Variants in GCLC observed in about 807,000 individuals in gnomAD.
GCLC encodes the protein glutamate--cysteine ligase catalytic subunit.
GCLC carries 30 observed loss-of-function variants against 81.5 expected under a neutral mutation model. That is an observed-to-expected ratio of 0.37 (90% CI 0.28 to 0.50). The LOEUF (loss-of-function observed/expected upper bound fraction) is 0.50. GCLC is among the 20% of genes least tolerant of loss of function. The pLI is 0.96. For synonymous variants in GCLC, 262 were observed against 273.3 expected (o/e 0.96, Z 0.41); for missense variants, 556 against 777.4 (o/e 0.72, Z 3.39).
chr6:53,542,452 C>T (rs1346752925), intron 1 of GCLC, among the ~76,000 whole-genome samples: 1 of 152,040 alleles, frequency 6.6e-6, no homozygotes, highest in Admixed American at 6.6e-5. Context: ...ACAAAAGTTA[C>T]TTAAAATAGG....
intron 1 of GCLC, among the ~76,000 whole-genome samples, chr6:53,528,029 T>C (rs1328556316): frequency 2.0e-5 from 3 of 152,150 alleles, no homozygotes; most frequent in South Asian, 2.1e-4. Context: ...CACAGCAAAA[T>C]GGTAATGACA....
At chr6:53,540,120 T>G (rs891647123) in intron 1 of GCLC, among the ~76,000 whole-genome samples, 1 of 152,188 alleles carries the variant, frequency 6.6e-6, no homozygotes, top group African/African-American at 2.4e-5. Flanking sequence ...TTACATAATA[T>G]TCTTACTATG....
intron 8 of GCLC, 99 bp downstream of exon 8, chr6:53,508,496 T>C: frequency 2.5e-6 from 2 of 803,160 alleles, no homozygotes; most frequent in South Asian, 2.7e-5. Context: ...CCATTTCAGA[T>C]AAAAATTGCA....
rs35480206 is a variant in GCLC at position 53,540,667 on chromosome 6, CCACA to C, written c.150+3825_150+3828del. On this transcript the variant is annotated intron_variant, in intron 1 of 15. Coordinates refer to ENST00000650454, the MANE Select transcript of GCLC (RefSeq NM_001498.4). The stretch of plus-strand genomic sequence containing the variant: ...GGTAGAGCTCATGTTAAGTGTCTTG[CCACA>C]CACACACACACACACACACACACAC... Among the ~76,000 whole-genome samples the C allele has an allele frequency of 5.9e-3, 843 of 143,848 alleles. 3 individuals carry two copies. The highest frequency in any genetic ancestry group is 0.01 in the Middle Eastern group (3 of 286). The allele number at this position is 143,848 out of a possible 152,430, so 94.4% of individuals were successfully genotyped here.
intron 1 of GCLC, among the ~76,000 whole-genome samples, chr6:53,544,179 A>G (rs1763405564): frequency 6.6e-6 from 1 of 152,222 alleles, no homozygotes; most frequent in South Asian, 2.1e-4. Flanking sequence ...CTGCAGATAC[A>G]CTAGGTTGAA....
chr6:53,530,093 AAG>A (rs1763147144), intron 1 of GCLC, among the ~76,000 whole-genome samples: 1 of 152,340 alleles, frequency 6.6e-6, no homozygotes, highest in South Asian at 2.1e-4. Flanking sequence ...AGAGAGAAAA[AAG>A]AGAGTTTTCT....
At position 53,509,537 on chromosome 6, in the gene GCLC, G is replaced by A. The variant is rs978422345; in HGVS notation, c.754-287C>T. ...AAAGAAAAATAAGACACAGACATAC[G>A]ATGATGTTTAGCAAAGCATTTTCTC... On this transcript the variant is annotated intron_variant, in intron 6 of 15. Transcript: ENST00000650454. The A allele has an allele frequency of 5.9e-6, 3 of 510,628 alleles. No individual in the cohort carries two copies. The South Asian group carries it at 6.7e-5, about 11-fold the overall frequency. 31.6% of individuals were successfully genotyped at this position (510,628 alleles called of 1,614,324 possible).
Position 53,506,927 on chromosome 6 carries a change from A to G in GCLC, c.1183T>C (p.Ser395Pro), listed in dbSNP as rs1157509593. The change falls in exon 10 of 16, where the codon TCT (serine) becomes CCT (proline). Residue 395 changes from serine to proline, a missense_variant. Transcript: ENST00000650454. The surrounding 1 kb of genome is among the most constrained non-coding windows in gnomAD (Gnocchi z 4.0). The stretch of plus-strand genomic sequence containing the variant: ...TGAGAAGATACCTCAAAATGGTCAG[A>G]CTCATTAGCATCATCCAGGTGTATT... ...EKIHLDDANE[S>P]DHFENIQSTN... The G allele has an allele frequency of 3.2e-6, 5 of 1,555,978 alleles. No individual in the cohort carries two copies. Among genetic ancestry groups the G allele is most frequent in the Non-Finnish European group, 4.4e-6 (5 of 1,126,944 alleles).
At chr6:53,531,583 A>G (rs1763172573) in intron 1 of GCLC, among the ~76,000 whole-genome samples, 1 of 152,180 alleles carries the variant, frequency 6.6e-6, no homozygotes, top group East Asian at 1.9e-4. Context: ...TTGCAGCTAC[A>G]CTGGCCTTTT....
At chr6:53,540,818 G>A (rs1454181244) in intron 1 of GCLC, among the ~76,000 whole-genome samples, 2 of 152,030 alleles carry the variant, frequency 1.3e-5, no homozygotes, top group African/African-American at 4.8e-5. Context: ...TGATGATGCC[G>A]CTAGAGGAAT....
chr6:53,532,848 G>A (rs573131726), intron 1 of GCLC, among the ~76,000 whole-genome samples: 2 of 152,192 alleles, frequency 1.3e-5, no homozygotes, highest in South Asian at 2.1e-4. Flanking sequence ...GGGCTCTTTC[G>A]TAGTATTGTG....
At chr6:53,504,853 C>T (rs1764583272) in intron 12 of GCLC, among the ~76,000 whole-genome samples, 1 of 152,184 alleles carries the variant, frequency 6.6e-6, no homozygotes, top group Non-Finnish European at 1.5e-5. Flanking sequence ...CCACTCTCTG[C>T]CAAGAGGAAC....
chr6:53,508,792 T>C, intron 7 of GCLC, 81 bp from the exon 8 acceptor site: 1 of 954,326 alleles, frequency 1.0e-6, no homozygotes, highest in Non-Finnish European at 1.7e-6. Context: ...GTTATATTTC[T>C]GATCAAAAAG....
chr6:53,522,319 T>C, intron 2 of GCLC, 96 bp downstream of exon 2: 1 of 783,406 alleles, frequency 1.3e-6, no homozygotes, highest in South Asian at 1.4e-5. Flanking sequence ...TACTCTTAAC[T>C]GTTAGGCTAT....
rs781079814 is a variant in GCLC at position 53,500,157 on chromosome 6, C to T, written c.1590G>A (p.Val530=). The T allele has an allele frequency of 3.1e-6, 5 of 1,613,864 alleles. No homozygotes were observed. The highest frequency in any genetic ancestry group is 3.4e-6 in the Non-Finnish European group (4 of 1,179,858). Residue 530 remains valine (V), a synonymous_variant, in exon 15 of 16, where the codon GTG becomes GTA. Transcript: ENST00000650454. ...TCAGAATTGGGATCAGTCCAGGAAA[C>T]ACACCTTCCTACAAGAAGCAGGACA... ...IDTIINGKEG[V]FPGLIPILNS...
intron 1 of GCLC, among the ~76,000 whole-genome samples, chr6:53,533,592 T>G (rs1763207772): frequency 1.3e-5 from 2 of 152,140 alleles, no homozygotes; most frequent in Admixed American, 6.5e-5. Context: ...TTCTACCACT[T>G]CTGGTAGAAT....
chr6:53,531,022 C>T (rs1416642228), intron 1 of GCLC, among the ~76,000 whole-genome samples: 2 of 152,134 alleles, frequency 1.3e-5, no homozygotes, highest in Non-Finnish European at 2.9e-5. Flanking sequence ...GGTAACTTCT[C>T]GATGCTTCAG....
Position 53,507,026 on chromosome 6 carries a change from C to T in GCLC, c.1085-1G>A. 6.5e-7 allele frequency: 1 copy of T among 1,540,436 alleles called. No homozygotes were observed. The highest frequency in any genetic ancestry group is 9.0e-7 in the Non-Finnish European group (1 of 1,112,996). Reference sequence around the variant, plus strand: ...TGCTGGGCCAGGAGATGATCAATGCCTGCAAAAAGAGATCACATGGGAACT... The same window carrying T: ...TGCTGGGCCAGGAGATGATCAATGCTTGCAAAAAGAGATCACATGGGAACT... On this transcript the variant is annotated splice_acceptor_variant, in intron 9 of 15. Coordinates refer to ENST00000650454, the MANE Select transcript of GCLC (RefSeq NM_001498.4). LOFTEE classifies it high-confidence loss of function.
At chr6:53,536,427 A>C (rs1763258425) in intron 1 of GCLC, among the ~76,000 whole-genome samples, 1 of 152,192 alleles carries the variant, frequency 6.6e-6, no homozygotes, top group South Asian at 2.1e-4. Context: ...CATTTTAAAT[A>C]TGTGCAGTTA....
Sources: gnomAD v4.1 joint callset for allele counts (sites outside exome capture counted in the v4.1 genomes callset) on GRCh38, gnomAD v4.1.1 for gene constraint, Gnocchi (gnomAD v3.1) non-coding constraint, MANE v1.5 for transcripts, NCBI Gene and HGNC (gene_info 2026-07-23, HGNC 2026-07-21) for gene names.